The following CNTNAP2 variants were observed in gnomAD, a reference collection of about 807,000 sequenced individuals.
CNTNAP2 encodes the protein contactin-associated protein-like 2.
A neutral mutation model predicts 155.2 loss-of-function variants in CNTNAP2; 98 were observed. That is an observed-to-expected ratio of 0.63 (90% CI 0.54 to 0.75). CNTNAP2 has a LOEUF of 0.75. Among genes scored for constraint, CNTNAP2 ranks in the 30% least tolerant of loss-of-function variants. The pLI is 0.00. For missense variants in CNTNAP2, 1,727 were observed against 1,688.1 expected (o/e 1.02, Z -0.40); for synonymous variants, 651 against 631.2 (o/e 1.03, Z -0.47).
intron 2 of CNTNAP2, among the ~76,000 whole-genome samples, chr7:146,831,727 G>A (rs1174633343): frequency 2.1e-5 from 3 of 140,118 alleles, no homozygotes; most frequent in African/African-American, 8.1e-5. Context: ...GTCTTATTAT[G>A]TCTTAGCTTG....
At chr7:146,798,572 C>A (rs995676482) in intron 2 of CNTNAP2, among the ~76,000 whole-genome samples, 3 of 152,084 alleles carry the variant, frequency 2.0e-5, no homozygotes, top group African/African-American at 7.2e-5. Flanking sequence ...TTTTGAACTC[C>A]TGGGCTCAAG....
At chr7:146,519,443 T>G (rs1004464083) in intron 1 of CNTNAP2, among the ~76,000 whole-genome samples, 1 of 151,900 alleles carries the variant, frequency 6.6e-6, no homozygotes, top group Middle Eastern at 3.2e-3. Context: ...AATAGCTCTA[T>G]TACCTATATA....
intron 14 of CNTNAP2, among the ~76,000 whole-genome samples, chr7:147,960,578 C>T (rs1427030444): frequency 6.6e-6 from 1 of 152,154 alleles, no homozygotes; most frequent in South Asian, 2.1e-4. Flanking sequence ...GTGTCCTGTA[C>T]ATTGTAATTG....
Position 147,300,250 on chromosome 7 carries a change from T to A in CNTNAP2, c.1458T>A (p.Ser486Arg), listed in dbSNP as rs756274887. 27 of 1,613,770 alleles carry A rather than the reference T, an allele frequency of 1.7e-5. No homozygotes were observed. In the South Asian group the frequency reaches 3.0e-4, roughly 18 times the overall value. ...GDEASAVRTN[S>R]PLQVKTGEKY... ...AAGCATCAGCAGTTCGAACTAATAG[T>A]CCCCTTCAAGTTAAAACTGGCGAGA... Residue 486 changes from serine to arginine, a missense_variant, in exon 9 of 24, where the codon AGT (serine) becomes AGA (arginine). Physicochemically the swap from Ser to Arg is moderately radical, Grantham distance 110. Coordinates refer to ENST00000361727, the MANE Select transcript of CNTNAP2 (RefSeq NM_014141.6).
Position 147,030,061 on chromosome 7 carries a change from T to G in CNTNAP2, c.403-13846T>G, listed in dbSNP as rs571174283. 1.1e-4 allele frequency among the ~76,000 whole-genome samples: 16 copies of G among 152,332 alleles called. No homozygotes were observed. In the South Asian group the frequency reaches 3.3e-3, roughly 32 times the overall value. On this transcript the variant is annotated intron_variant, in intron 3 of 23. Transcript: ENST00000361727. ...GGTAACCTGAGGGCAGTATAATCTA[T>G]CTGTTCTTCTAGATACTGTAAACAA...
chr7:146,183,125 A>C (rs1798572815), intron 1 of CNTNAP2, among the ~76,000 whole-genome samples: 1 of 152,124 alleles, frequency 6.6e-6, no homozygotes, highest in Non-Finnish European at 1.5e-5. Context: ...TTCAAGATTT[A>C]AGCTTGATTC....
At chr7:146,248,461 A>G (rs961258931) in intron 1 of CNTNAP2, among the ~76,000 whole-genome samples, 14 of 152,174 alleles carry the variant, frequency 9.2e-5, no homozygotes, top group Non-Finnish European at 1.3e-4. Flanking sequence ...ATTAAACACC[A>G]GGGGAAGGCT....
intron 21 of CNTNAP2, among the ~76,000 whole-genome samples, chr7:148,290,370 C>A (rs6464866): frequency 0.54 from 82,713 of 152,022 alleles, 23,446 homozygotes; most frequent in East Asian, 0.78. Context: ...GAAAACCAAG[C>A]TGATTGTTCT....
chr7:147,508,140 G>A (rs1419227893), intron 11 of CNTNAP2, among the ~76,000 whole-genome samples: 2 of 152,104 alleles, frequency 1.3e-5, no homozygotes, highest in Non-Finnish European at 2.9e-5. Context: ...TGTCCTGGTG[G>A]ACAGTGACCA....
At chr7:148,332,025 T>C (rs55987716) in intron 21 of CNTNAP2, among the ~76,000 whole-genome samples, 28,247 of 151,994 alleles carry the variant, frequency 0.19, 2,738 homozygotes, top group South Asian at 0.33. Context: ...CAGGGAAGCA[T>C]TGGATGGTGG....
At chr7:147,633,576 C>A (rs1432910041) in intron 12 of CNTNAP2, among the ~76,000 whole-genome samples, 6 of 152,130 alleles carry the variant, frequency 3.9e-5, no homozygotes, top group South Asian at 2.1e-4. Context: ...GGCTATGTCC[C>A]CACCCAAATC....
intron 20 of CNTNAP2, among the ~76,000 whole-genome samples, chr7:148,247,018 G>A (rs184955819): frequency 1.3e-5 from 2 of 152,238 alleles, no homozygotes; most frequent in East Asian, 1.9e-4. Flanking sequence ...GAGGTAGAAC[G>A]CATTAATATC....
intron 13 of CNTNAP2, among the ~76,000 whole-genome samples, chr7:147,714,553 A>G (rs891752776): frequency 6.6e-6 from 1 of 152,052 alleles, no homozygotes; most frequent in Middle Eastern, 3.2e-3. Context: ...ATTATGAAAT[A>G]TTCTCTTTTT....
At chr7:148,171,583 G>A (rs996568176) in intron 17 of CNTNAP2, among the ~76,000 whole-genome samples, 3 of 152,150 alleles carry the variant, frequency 2.0e-5, no homozygotes, top group Non-Finnish European at 2.9e-5. Context: ...CACAGTGAAC[G>A]TGCTTATTGT....
chr7:147,427,422 A>G (rs1330457276), intron 10 of CNTNAP2, among the ~76,000 whole-genome samples: 1 of 152,138 alleles, frequency 6.6e-6, no homozygotes, highest in Non-Finnish European at 1.5e-5. Flanking sequence ...AGGTCATTGA[A>G]CAATATGATT....
intron 13 of CNTNAP2, among the ~76,000 whole-genome samples, chr7:147,711,177 A>C (rs918160613): frequency 2.6e-5 from 4 of 152,206 alleles, no homozygotes; most frequent in Non-Finnish European, 5.9e-5. Context: ...CCTAACTTAC[A>C]ATTAAGACTG....
chr7:146,376,341 C>T (rs569479944), intron 1 of CNTNAP2, among the ~76,000 whole-genome samples: 5 of 152,090 alleles, frequency 3.3e-5, no homozygotes, highest in South Asian at 4.1e-4. Flanking sequence ...TACCTTTGTT[C>T]TTTTTCTTCA....
intron 14 of CNTNAP2, among the ~76,000 whole-genome samples, chr7:147,943,326 A>G (rs1296752628): frequency 2.6e-5 from 4 of 152,218 alleles, no homozygotes; most frequent in Non-Finnish European, 4.4e-5. Context: ...TTTTACATGA[A>G]ATGATGTCCA....
At chr7:146,204,908 A>G (rs558145930) in intron 1 of CNTNAP2, among the ~76,000 whole-genome samples, 1 of 152,160 alleles carries the variant, frequency 6.6e-6, no homozygotes, top group East Asian at 1.9e-4. Flanking sequence ...GGAACATTAC[A>G]TAAAATGTAT....
Sources: allele counts gnomAD v4.1 joint callset (sites outside exome capture counted in the v4.1 genomes callset), GRCh38; gene constraint gnomAD v4.1.1; transcripts MANE v1.5; gene names NCBI Gene and HGNC (gene_info 2026-07-23, HGNC 2026-07-21).